Variants in EFCAB5 observed in about 807,000 individuals in gnomAD.
The protein encoded by EFCAB5 is EF-hand calcium-binding domain-containing protein 5.
A neutral mutation model predicts 167.9 loss-of-function variants in EFCAB5; 131 were observed. The observed-to-expected ratio is 0.78, with a 90% CI of 0.68 to 0.90. The LOEUF (loss-of-function observed/expected upper bound fraction) is 0.90. Ranked by LOEUF, EFCAB5 falls within the 40% of genes least tolerant of loss-of-function variation. EFCAB5 has a pLI of 0.00. For missense variants in EFCAB5, 1,663 were observed against 1,745.2 expected (o/e 0.95, Z 0.84); for synonymous variants, 574 against 602.8 (o/e 0.95, Z 0.70).
At position 30,057,905 on chromosome 17, in the gene EFCAB5, T is replaced by C. The variant is rs774333358; in HGVS notation, c.2580+15T>C. The C allele has an allele frequency of 2.5e-6, 4 of 1,601,580 alleles. No homozygotes were observed. The African/African-American group carries it at 4.0e-5, about 16-fold the overall frequency. The stretch of plus-strand genomic sequence containing the variant: ...CCTTAGAACAGGTGGGTAATATTAT[T>C]TATTAATGATACAAGTGAGGTCACT... On this transcript the variant is annotated intron_variant, in intron 13 of 22. Transcript: ENST00000394835.
Position 30,053,894 on chromosome 17 carries a change from C to T in EFCAB5, c.1940C>T (p.Pro647Leu), listed in dbSNP as rs763267777. ...CTCAGAGAGTCAGTAATAGAAGAAC[C>T]ATACCAAAAATCAGAACAAGGACCT... is the stretch of plus-strand genomic sequence containing the variant. Reference protein sequence around the residue: ...GSLRESVIEEPYQKSEQGPYG... With the variant: ...GSLRESVIEELYQKSEQGPYG... Residue 647 changes from proline to leucine, a missense_variant, in exon 10 of 23, where the codon CCA (proline) becomes CTA (leucine). Pro to Leu is a moderately conservative substitution (Grantham distance 98, BLOSUM62 -3). Transcript: ENST00000394835. The T allele has an allele frequency of 1.4e-5, 23 of 1,613,836 alleles. No individual in the cohort carries two copies. Among genetic ancestry groups the T allele is most frequent in the Non-Finnish European group, 1.7e-6 (2 of 1,179,878 alleles).
chr17:30,050,720 ATTTTCTATAT>A (rs1348140551), intron 8 of EFCAB5, among the ~76,000 whole-genome samples: 3 of 152,184 alleles, frequency 2.0e-5, no homozygotes, highest in Non-Finnish European at 4.4e-5. Flanking sequence ...TAATTCTATC[ATTTTCTATAT>A]TTTTCTATAA....
chr17:30,017,082 T>G (rs941024639), intron 7 of EFCAB5, among the ~76,000 whole-genome samples: 17 of 151,636 alleles, frequency 1.1e-4, no homozygotes, highest in African/African-American at 3.9e-4. Flanking sequence ...GAGGTTGAGG[T>G]GGGAGTACCG....
chr17:29,943,766 G>C (rs758492461), intron 3 of EFCAB5, 117 bp downstream of exon 3: 1 of 772,426 alleles, frequency 1.3e-6, no homozygotes, highest in Non-Finnish European at 1.9e-6. Flanking sequence ...CAGAGGTCAG[G>C]AGTTCGAAAC....
chr17:30,037,467 T>C (rs1486299534), intron 8 of EFCAB5, among the ~76,000 whole-genome samples: 4 of 152,172 alleles, frequency 2.6e-5, no homozygotes, highest in African/African-American at 4.8e-5. Context: ...AGACTCTCCT[T>C]TCTCTGATGG....
intron 8 of EFCAB5, among the ~76,000 whole-genome samples, chr17:30,047,783 C>T (rs2069969353): frequency 6.6e-6 from 1 of 152,148 alleles, no homozygotes; most frequent in South Asian, 2.1e-4. Flanking sequence ...ACTATAGGTC[C>T]AGAAACATGA....
At chr17:30,023,735 G>T (rs2069242418) in intron 7 of EFCAB5, among the ~76,000 whole-genome samples, 1 of 152,074 alleles carries the variant, frequency 6.6e-6, no homozygotes, top group African/African-American at 2.4e-5. Context: ...CAAAAAAAGA[G>T]AATTTTAGAC....
At position 30,015,749 on chromosome 17, in the gene EFCAB5, T is replaced by C. The variant is rs1597671620; in HGVS notation, c.1044+15773T>C. Reference sequence around the variant, plus strand: ...CCTTTTCATGTTCTTATTGTTCTTATTGGTTATTTCTTTTTTTTTTTTTTT... The same window carrying C: ...CCTTTTCATGTTCTTATTGTTCTTACTGGTTATTTCTTTTTTTTTTTTTTT... On this transcript the variant is annotated intron_variant, in intron 7 of 22. Coordinates refer to ENST00000394835, the MANE Select transcript of EFCAB5 (RefSeq NM_198529.4). 2.0e-5 allele frequency among the ~76,000 whole-genome samples: 3 copies of C among 149,344 alleles called. 1 individual carries two copies. The Admixed American group carries it at 2.1e-4, about 10-fold the overall frequency.
chr17:30,006,178 A>G (rs187360892), intron 7 of EFCAB5, among the ~76,000 whole-genome samples: 55 of 152,292 alleles, frequency 3.6e-4, no homozygotes, highest in Non-Finnish European at 6.5e-4. Flanking sequence ...GGTCACTTAT[A>G]TTATCTCAGA....
chr17:30,052,978 T>C (rs1260799712), intron 9 of EFCAB5, among the ~76,000 whole-genome samples: 2 of 152,230 alleles, frequency 1.3e-5, no homozygotes, highest in Non-Finnish European at 2.9e-5. Context: ...GCCTTGGCAG[T>C]CTAAGCAACA....
chr17:30,056,223 C>T, intron 12 of EFCAB5, 67 bp downstream of exon 12: 1 of 1,414,092 alleles, frequency 7.1e-7, no homozygotes, highest in Admixed American at 2.1e-5. Flanking sequence ...TACTGTGGTA[C>T]TCGATGATAA....
intron 7 of EFCAB5, among the ~76,000 whole-genome samples, chr17:30,000,463 C>T (rs1222338337): frequency 6.6e-6 from 1 of 152,108 alleles, no homozygotes; most frequent in Non-Finnish European, 1.5e-5. Flanking sequence ...TCAAAGTCTA[C>T]ATAATATTGC....
intron 19 of EFCAB5, 109 bp downstream of exon 19, chr17:30,087,275 T>G: frequency 1.3e-6 from 1 of 776,900 alleles, no homozygotes; most frequent in East Asian, 2.8e-5. Context: ...TGACTTTTAT[T>G]CTTTCTTTTT....
chr17:30,083,051 A>G lies in EFCAB5; in HGVS notation c.3579+8A>G. 2 of 1,613,078 alleles carry G rather than the reference A, an allele frequency of 1.2e-6. No homozygotes were observed. The highest frequency in any genetic ancestry group is 1.7e-6 in the Non-Finnish European group (2 of 1,179,446). Reference sequence around the variant, plus strand: ...GAGCCTAGCCCAGCCCAGGTAGGCAAGGCTCAGTAGTGGTAGATCTCTCCA... The same window carrying G: ...GAGCCTAGCCCAGCCCAGGTAGGCAGGGCTCAGTAGTGGTAGATCTCTCCA... On this transcript the variant is annotated splice_region_variant and intron_variant, in intron 18 of 22. Coordinates refer to ENST00000394835, the MANE Select transcript of EFCAB5 (RefSeq NM_198529.4).
intron 3 of EFCAB5, among the ~76,000 whole-genome samples, chr17:29,952,329 G>T (rs1216587895): frequency 6.6e-6 from 1 of 152,086 alleles, no homozygotes; most frequent in Non-Finnish European, 1.5e-5. Flanking sequence ...TGGGTCTTAG[G>T]TTCCAACATA....
At chr17:30,060,629 G>A (rs2070399713) in intron 14 of EFCAB5, among the ~76,000 whole-genome samples, 2 of 152,162 alleles carry the variant, frequency 1.3e-5, no homozygotes, top group African/African-American at 4.8e-5. Flanking sequence ...TGTATTGGTT[G>A]AGCGTCAAAT....
intron 15 of EFCAB5, 46 bp downstream of exon 15, chr17:30,078,550 T>C: frequency 6.7e-7 from 1 of 1,488,510 alleles, no homozygotes; most frequent in South Asian, 1.4e-5. Flanking sequence ...TTCCTCAAAG[T>C]AGGCGATGTT....
At chr17:30,097,997 C>T (rs889484030) in intron 22 of EFCAB5, among the ~76,000 whole-genome samples, 6 of 152,248 alleles carry the variant, frequency 3.9e-5, no homozygotes, top group Admixed American at 2.0e-4. Flanking sequence ...TGCAGTGCCA[C>T]AATCACAGCT....
rs747238716 is a variant in EFCAB5, at chr17:29,968,797, A to T, written c.197A>T (p.Asn66Ile). 2.7e-6 allele frequency: 4 copies of T among 1,488,704 alleles called. No homozygotes were observed. The highest frequency in any genetic ancestry group is 3.6e-6 in the Non-Finnish European group (4 of 1,119,238). 92.2% of individuals were successfully genotyped at this position (1,488,704 alleles called of 1,614,324 possible). The change falls in exon 4 of 23, where the codon AAC becomes ATC. Residue 66 changes from asparagine to isoleucine, a missense_variant. Asn to Ile is a moderately radical substitution (Grantham distance 149, BLOSUM62 -3). Transcript: ENST00000394835. Reference protein sequence around the residue: ...AMDEIKSQELNLEGQRKISPG... With the variant: ...AMDEIKSQELILEGQRKISPG... ...CACTTTTTTTTCCCCTCAGAATTAA[A>T]CCTGGAGGGGCAGCGAAAAATTTCA...
Sources: gnomAD v4.1 joint callset for allele counts (sites outside exome capture counted in the v4.1 genomes callset) on GRCh38, gnomAD v4.1.1 for gene constraint, MANE v1.5 for transcripts, NCBI Gene and HGNC (gene_info 2026-07-23, HGNC 2026-07-21) for gene names.